Variants in SOX6 observed in about 807,000 individuals in gnomAD.
SOX6 encodes the protein SRY-box transcription factor 6, also known as transcription factor SOX-6.
In SOX6, 11 loss-of-function variants were observed where a neutral mutation model predicts 97.8. The ratio of observed to expected loss-of-function variants is 0.11; its 90% CI spans 0.07 to 0.19. The LOEUF is 0.19. Among genes scored for constraint, SOX6 ranks in the 10% least tolerant of loss-of-function variants. The probability of loss-of-function intolerance (pLI) is 1.00; values close to 1 mark genes in which losing one functional copy is unlikely to be tolerated. For synonymous variants in SOX6, 360 were observed against 371.4 expected, an observed-to-expected ratio of 0.97 and a Z score of 0.35; for missense variants, 810 against 1,039.5, an observed-to-expected ratio of 0.78 and a Z score of 3.04.
chr11:16,162,549 C>T (rs1850777398), intron 6 of SOX6, among the ~76,000 whole-genome samples: 1 of 152,154 alleles, frequency 6.6e-6, no homozygotes, highest in African/African-American at 2.4e-5. Flanking sequence ...CCCCCTCACA[C>T]TCTCTTGCTC....
intron 4 of SOX6, among the ~76,000 whole-genome samples, chr11:16,574,092 T>G (rs1264228760): frequency 6.6e-6 from 1 of 152,154 alleles, no homozygotes; most frequent in African/African-American, 2.4e-5. Context: ...GCAAACTAAA[T>G]TGAAAATCCC....
At chr11:16,734,487 T>C (rs1848376426) in intron 2 of SOX6, among the ~76,000 whole-genome samples, 1 of 152,170 alleles carries the variant, frequency 6.6e-6, no homozygotes, top group African/African-American at 2.4e-5. Context: ...TTCCTCATTC[T>C]ATCCTTAAAT....
upstream of SOX6, among the ~76,000 whole-genome samples, chr11:16,479,511 C>T (rs1221212321): frequency 4.2e-5 from 6 of 142,446 alleles, no homozygotes; most frequent in Non-Finnish European, 6.0e-5. Context: ...ACCCGGGCAA[C>T]GGAGTGAGAC....
chr11:16,716,746 C>A (rs1564876061), intron 2 of SOX6, among the ~76,000 whole-genome samples: 1 of 151,218 alleles, frequency 6.6e-6, no homozygotes. Context: ...ATGAACCAAC[C>A]ACTACTAAAA....
intron 9 of SOX6, among the ~76,000 whole-genome samples, chr11:16,062,025 A>C (rs973313392): frequency 3.3e-5 from 5 of 151,720 alleles, no homozygotes; most frequent in African/African-American, 1.2e-4. Flanking sequence ...AGAAACAAAA[A>C]CAAAAATAGA....
intron 3 of SOX6, among the ~76,000 whole-genome samples, chr11:16,633,306 A>G (rs977816473): frequency 6.6e-6 from 1 of 152,222 alleles, no homozygotes; most frequent in African/African-American, 2.4e-5. Flanking sequence ...TTTATTGTCA[A>G]TGCTATGCTA....
upstream of SOX6, among the ~76,000 whole-genome samples, chr11:16,357,353 T>G (rs1349166725): frequency 6.6e-6 from 1 of 152,142 alleles, no homozygotes; most frequent in East Asian, 1.9e-4. Flanking sequence ...CCTCCTCAAC[T>G]AGAAATACGA....
intron 4 of SOX6, among the ~76,000 whole-genome samples, chr11:16,517,265 G>C (rs1295297842): frequency 6.6e-6 from 1 of 151,410 alleles, no homozygotes; most frequent in East Asian, 2.0e-4. Context: ...TTGAAAACTG[G>C]CACAAGACAG....
chr11:16,445,073 G>A (rs1161161123), intron 1 of SOX6, among the ~76,000 whole-genome samples: 2 of 152,134 alleles, frequency 1.3e-5, no homozygotes, highest in African/African-American at 4.8e-5. Context: ...AGGTGTTATA[G>A]GGAAGTAATA....
intron 3 of SOX6, among the ~76,000 whole-genome samples, chr11:16,303,766 G>A (rs1433079414): frequency 1.3e-5 from 2 of 152,116 alleles, no homozygotes; most frequent in Non-Finnish European, 2.9e-5. Context: ...AATATGTCTT[G>A]TCATATTTTT....
intron 13 of SOX6, among the ~76,000 whole-genome samples, chr11:16,003,396 C>G (rs572876613): frequency 6.6e-6 from 1 of 152,014 alleles, no homozygotes; most frequent in Non-Finnish European, 1.5e-5. Flanking sequence ...ACCTGGTTGC[C>G]AGGTTAGAAT....
At chr11:16,316,398 A>C (rs1855759234) in intron 3 of SOX6, 1 of 151,228 alleles carries the variant, frequency 6.6e-6, no homozygotes, top group Non-Finnish European at 1.5e-5. Flanking sequence ...ACATTAATAT[A>C]TACTAAAGAT....
At chr11:16,416,228 G>C (rs1442792649) in intron 1 of SOX6, among the ~76,000 whole-genome samples, 2 of 152,196 alleles carry the variant, frequency 1.3e-5, no homozygotes, top group Non-Finnish European at 2.9e-5. Flanking sequence ...TTCAGAAAAA[G>C]ACTTTTGCCA....
At chr11:16,242,644 A>C (rs1000663366) in intron 3 of SOX6, among the ~76,000 whole-genome samples, 1 of 151,680 alleles carries the variant, frequency 6.6e-6, no homozygotes, top group Non-Finnish European at 1.5e-5. Context: ...TTAAAAAAAA[A>C]CAAAAAAAAA....
intron 1 of SOX6, among the ~76,000 whole-genome samples, chr11:16,419,680 G>T (rs182303688): frequency 6.6e-6 from 1 of 152,078 alleles, no homozygotes; most frequent in East Asian, 1.9e-4. Flanking sequence ...ATGACATATA[G>T]ATAATAATGA....
chr11:16,073,757 T>A (rs1018235455), intron 9 of SOX6, among the ~76,000 whole-genome samples: 2 of 152,094 alleles, frequency 1.3e-5, no homozygotes, highest in Non-Finnish European at 2.9e-5. Flanking sequence ...GACCACAGCA[T>A]GATAAAAATA....
intron 4 of SOX6, among the ~76,000 whole-genome samples, chr11:16,590,273 G>A (rs1393877112): frequency 6.6e-6 from 1 of 152,144 alleles, no homozygotes; most frequent in African/African-American, 2.4e-5. Flanking sequence ...TATTTAATAG[G>A]CAAAGTGCTA....
At chr11:16,580,250 A>G (rs1848020205) in intron 4 of SOX6, among the ~76,000 whole-genome samples, 1 of 152,134 alleles carries the variant, frequency 6.6e-6, no homozygotes, top group Admixed American at 6.6e-5. Context: ...GATAAAATTT[A>G]TAAATTTCTA....
At chr11:16,358,301 C>A (rs1039766540), upstream of SOX6, among the ~76,000 whole-genome samples, 1 of 152,096 alleles carries the variant, frequency 6.6e-6, no homozygotes, top group East Asian at 1.9e-4. Context: ...CTGCCATCAA[C>A]GACTTTCAAA....
Sources: gnomAD v4.1 joint callset for allele counts (sites outside exome capture counted in the v4.1 genomes callset) on GRCh38, gnomAD v4.1.1 for gene constraint, MANE v1.5 for transcripts, NCBI Gene and HGNC (gene_info 2026-07-23, HGNC 2026-07-21) for gene names.